Variants in SHISA9 observed in about 807,000 individuals in gnomAD.
SHISA9 encodes the protein shisa family member 9.
SHISA9 carries 13 observed loss-of-function variants against 38.0 expected under a neutral mutation model. The observed-to-expected ratio is 0.34, with a 90% confidence interval of 0.22 to 0.54. SHISA9 has a LOEUF of 0.54. Ranked by LOEUF, SHISA9 falls within the 20% of genes least tolerant of loss-of-function variation. The probability of loss-of-function intolerance (pLI) is 0.91; values close to 1 mark genes in which losing one functional copy is unlikely to be tolerated. For missense variants in SHISA9, 538 were observed against 575.8 expected, an observed-to-expected ratio of 0.93 and a Z score of 0.67; for synonymous variants, 275 against 242.0, an observed-to-expected ratio of 1.14 and a Z score of -1.27.
chr16:13,529,110 C>T, the SHISA9 span, among the ~76,000 whole-genome samples: 1 of 152,156 alleles, frequency 6.6e-6, no homozygotes, highest in South Asian at 2.1e-4. Context: ...CATGACAGCC[C>T]CTCTGTTTTG....
chr16:13,392,097 G>A, the SHISA9 span, among the ~76,000 whole-genome samples: 1 of 152,062 alleles, frequency 6.6e-6, no homozygotes, highest in Non-Finnish European at 1.5e-5. Context: ...TTTTTCCTGG[G>A]AGGAAAGGTA....
At chr16:13,001,175 G>T (rs578055982) in intron 2 of SHISA9, among the ~76,000 whole-genome samples, 2 of 152,178 alleles carry the variant, frequency 1.3e-5, no homozygotes, top group Non-Finnish European at 2.9e-5. Context: ...TGATCTGCCC[G>T]CCTTGGCCTC....
intron 2 of SHISA9, among the ~76,000 whole-genome samples, chr16:12,948,801 C>T (rs2071718569): frequency 6.6e-6 from 1 of 152,142 alleles, no homozygotes; most frequent in Non-Finnish European, 1.5e-5. Context: ...GATATTCAGA[C>T]CATAGCAATA....
intron 2 of SHISA9, among the ~76,000 whole-genome samples, chr16:13,148,946 A>G (rs1368572227): frequency 6.6e-6 from 1 of 152,180 alleles, no homozygotes; most frequent in Non-Finnish European, 1.5e-5. Flanking sequence ...GGGATTATGT[A>G]ACTCCAACAG....
intron 1 of SHISA9, among the ~76,000 whole-genome samples, chr16:12,915,451 G>A (rs13334301): frequency 0.019 from 2,932 of 152,236 alleles, 92 homozygotes; most frequent in African/African-American, 0.067. Context: ...TCTGAAGAAA[G>A]AAAAAGATGT....
the SHISA9 span, among the ~76,000 whole-genome samples, chr16:13,509,777 G>A: frequency 6.6e-6 from 1 of 152,022 alleles, no homozygotes; most frequent in East Asian, 1.9e-4. Flanking sequence ...AATTTTTACC[G>A]ACTACTTTTT....
At chr16:13,019,944 T>TCC (rs1567184233) in intron 2 of SHISA9, among the ~76,000 whole-genome samples, 98 of 69,536 alleles carry the variant, frequency 1.4e-3, no homozygotes, top group Non-Finnish European at 2.1e-3. Flanking sequence ...TCTTTCTTTC[T>TCC]TTCTTTCTTT....
the SHISA9 span, among the ~76,000 whole-genome samples, chr16:13,307,206 A>G: frequency 6.6e-6 from 1 of 152,234 alleles, no homozygotes; most frequent in Non-Finnish European, 1.5e-5. Context: ...CAGAGTTGTT[A>G]TAAGGATTAA....
the SHISA9 span, chr16:13,350,066 T>G: frequency 6.6e-6 from 1 of 152,268 alleles, no homozygotes; most frequent in Non-Finnish European, 1.5e-5. Context: ...TTTGAATGAG[T>G]GGACTGAATA....
At chr16:12,906,709 A>G (rs2071099672) in intron 1 of SHISA9, among the ~76,000 whole-genome samples, 1 of 152,188 alleles carries the variant, frequency 6.6e-6, no homozygotes, top group Non-Finnish European at 1.5e-5. Flanking sequence ...ACCTTGAAAA[A>G]TCATAACATA....
At chr16:13,019,150 C>T (rs1190766612) in intron 2 of SHISA9, among the ~76,000 whole-genome samples, 1 of 152,156 alleles carries the variant, frequency 6.6e-6, no homozygotes, top group Admixed American at 6.5e-5. Context: ...TGGGCACTCA[C>T]CACCATGCCC....
At chr16:13,352,236 G>C in the SHISA9 span, among the ~76,000 whole-genome samples, 3 of 152,206 alleles carry the variant, frequency 2.0e-5, no homozygotes, top group African/African-American at 7.2e-5. Flanking sequence ...AGAGTGCATG[G>C]TCTGATTTCT....
chr16:13,190,591 T>TGAA (rs2050875298), intron 2 of SHISA9, among the ~76,000 whole-genome samples: 1 of 152,164 alleles, frequency 6.6e-6, no homozygotes, highest in Non-Finnish European at 1.5e-5. Context: ...GGAACCTCTG[T>TGAA]TTTGCTGCTT....
chr16:13,454,510 T>C, the SHISA9 span, among the ~76,000 whole-genome samples: 1 of 152,198 alleles, frequency 6.6e-6, no homozygotes, highest in Non-Finnish European at 1.5e-5. Flanking sequence ...TCTCTCACAA[T>C]AATTCTATAG....
At chr16:13,136,919 G>A (rs1026735323) in intron 2 of SHISA9, among the ~76,000 whole-genome samples, 1 of 152,176 alleles carries the variant, frequency 6.6e-6, no homozygotes. Context: ...GTCATTGGCA[G>A]GTTCCTAAGG....
At chr16:13,511,697 A>G in the SHISA9 span, among the ~76,000 whole-genome samples, 1 of 152,142 alleles carries the variant, frequency 6.6e-6, no homozygotes, top group Admixed American at 6.6e-5. Context: ...AAAGTCCAGT[A>G]ATTTCTCTGA....
chr16:13,070,622 C>T (rs1034337832), intron 2 of SHISA9, among the ~76,000 whole-genome samples: 7 of 152,240 alleles, frequency 4.6e-5, no homozygotes, highest in Admixed American at 1.3e-4. Flanking sequence ...GGCAGGAGGC[C>T]GGGAAGTGGG....
chr16:13,402,554 A>C, the SHISA9 span, among the ~76,000 whole-genome samples: 2 of 133,250 alleles, frequency 1.5e-5, no homozygotes, highest in Admixed American at 8.6e-5. Flanking sequence ...TCACTCTGTC[A>C]CCCAGGCTAG....
At chr16:13,445,581 C>A in the SHISA9 span, among the ~76,000 whole-genome samples, 10 of 152,182 alleles carry the variant, frequency 6.6e-5, no homozygotes, top group Non-Finnish European at 1.2e-4. Flanking sequence ...CTACCCTTTC[C>A]TTTGAAATGT....
Sources: gnomAD v4.1 joint callset for allele counts (sites outside exome capture counted in the v4.1 genomes callset) on GRCh38, gnomAD v4.1.1 for gene constraint, MANE v1.5 for transcripts, NCBI Gene and HGNC (gene_info 2026-07-23, HGNC 2026-07-21) for gene names.